MARF1: variants seen among roughly 807,000 people sequenced by gnomAD.
MARF1 encodes limkain-b1.
Under a neutral mutation model 168.2 loss-of-function variants are expected in MARF1, and 24 were observed. The ratio of observed to expected loss-of-function variants is 0.14; its 90% CI spans 0.10 to 0.20. The LOEUF (loss-of-function observed/expected upper bound fraction) is 0.20. MARF1 is among the 10% of genes least tolerant of loss of function. The pLI, the probability that MARF1 is intolerant of heterozygous loss-of-function variation, is 1.00. For missense variants in MARF1, 1,744 were observed against 2,143.6 expected (o/e 0.81, Z 3.68); for synonymous variants, 868 against 822.4 (o/e 1.06, Z -0.95).
chr16:15,622,027 G>T, intron 11 of MARF1, 116 bp from the exon 12 acceptor site: 1 of 898,058 alleles, frequency 1.1e-6, no homozygotes, highest in Non-Finnish European at 1.7e-6. Flanking sequence ...CCATGAAGGA[G>T]TATGTCTGAA....
At chr16:15,622,390 CT>C (rs995577394) in intron 11 of MARF1, among the ~76,000 whole-genome samples, 1,916 of 144,886 alleles carry the variant, frequency 0.013, 38 homozygotes, top group African/African-American at 0.044. Flanking sequence ...ATCAAATTGC[CT>C]TTTTTTTTTT....
rs2031500272 is a variant in MARF1 at position 15,594,566 on chromosome 16, T to C, written c.*2127A>G. On this transcript the variant is annotated 3_prime_UTR_variant, in exon 27 of 27. Coordinates refer to ENST00000396368, the MANE Select transcript of MARF1 (RefSeq NM_014647.4). ...AAGGGGGTTTTGGTGATAACTTTTGTCATTTTTTTAAACAGATAAATTTAA... is the reference window on the plus strand; with the variant it reads ...AAGGGGGTTTTGGTGATAACTTTTGCCATTTTTTTAAACAGATAAATTTAA... The C allele has an allele frequency of 6.6e-6, 1 of 152,634 alleles. No homozygotes were observed. The highest frequency in any genetic ancestry group is 1.5e-5 in the Non-Finnish European group (1 of 68,042). 9.5% of individuals were successfully genotyped at this position (152,634 alleles called of 1,614,324 possible).
Position 15,636,060 on chromosome 16 carries a change from T to C in MARF1, c.427A>G (p.Thr143Ala), listed in dbSNP as rs2035573442. ...CCTGACCCTACCTGACACGTGATTG[T>C]CCTGGTGCTTTGCGAGTCTAACAGT... ...GALLDSQSTR[T>A]ITCQVGSGFA... The change falls in exon 3 of 27, where the codon ACA (threonine) becomes GCA (alanine). Residue 143 changes from threonine to alanine, a missense_variant. Physicochemically the swap from Thr to Ala is moderately conservative, Grantham distance 58. Coordinates refer to ENST00000396368, the MANE Select transcript of MARF1 (RefSeq NM_014647.4). 1 of 1,614,250 alleles carries C rather than the reference T, an allele frequency of 6.2e-7. No individual in the cohort carries two copies. The highest frequency in any genetic ancestry group is 8.5e-7 in the Non-Finnish European group (1 of 1,180,050).
At chr16:15,606,415 C>T (rs767441866) in intron 21 of MARF1, among the ~76,000 whole-genome samples, 13 of 152,136 alleles carry the variant, frequency 8.5e-5, no homozygotes, top group Admixed American at 1.3e-4. Flanking sequence ...CCAGAGTCTA[C>T]GGTGCCAACT....
At chr16:15,599,154 T>TAAAAAAAAAAAAAAAAAA in intron 25 of MARF1, 130 bp from the exon 26 acceptor site, 1 of 297,700 alleles carries the variant, frequency 3.4e-6, no homozygotes, top group Non-Finnish European at 5.8e-6. Flanking sequence ...TTTAAGGTAT[T>TAAAAAAAAAAAAAAAAAA]AAAAAAAAAA....
chr16:15,600,649 T>A lies in MARF1; in HGVS notation c.4679A>T (p.Asp1560Val). The change falls in exon 24 of 27, where the codon GAC (aspartate) becomes GTC (valine). Residue 1560 changes from aspartate to valine, a missense_variant. Physicochemically the swap from Asp to Val is radical, Grantham distance 152 (BLOSUM62 -3). Around this residue, in one of 7 missense-constraint regions of MARF1, gnomAD observed 313 missense variants for 337.4 expected, o/e 0.93. Coordinates refer to ENST00000396368, the MANE Select transcript of MARF1 (RefSeq NM_014647.4). ...GATGGGTGCTTACTTACTTTTCATG[T>A]CATTTTTTAACACTACAATTCTCTT... ...GHKRIVVLKNDMKSRLSSLSL... is the reference protein window; with the variant it reads ...GHKRIVVLKNVMKSRLSSLSL... 6.2e-7 allele frequency: 1 copy of A among 1,613,940 alleles called. No individual in the cohort carries two copies. The highest frequency in any genetic ancestry group is 8.5e-7 in the Non-Finnish European group (1 of 1,180,034).
chr16:15,624,505 C>A lies in MARF1; in HGVS notation c.2270+264G>T, dbSNP rs989670333. 7.2e-5 allele frequency among the ~76,000 whole-genome samples: 11 copies of A among 152,200 alleles called. 1 individual carries two copies. Among genetic ancestry groups the A allele is most frequent in the Non-Finnish European group, 1.0e-4 (7 of 68,018 alleles). ...CATAGGGACATCTTTACATGCCCCC[C>A]TGCACTGGCCAGGGACTCTCCAACA... On this transcript the variant is annotated intron_variant, in intron 10 of 26. Transcript: ENST00000396368.
chr16:15,598,933 G>T lies in MARF1; in HGVS notation c.4905C>A (p.Ser1635=). 6.2e-7 allele frequency: 1 copy of T among 1,613,816 alleles called. No homozygotes were observed. Among genetic ancestry groups the T allele is most frequent in the Non-Finnish European group, 8.5e-7 (1 of 1,179,960 alleles). The change falls in exon 26 of 27, where the codon TCC becomes TCA. Residue 1635 remains serine (S), a synonymous_variant. Transcript: ENST00000396368. ...LCAPVPSCLP[S]PQLRPDPVIL... is the part of the protein sequence containing the mutation. ...TAACGGGGTCTGGTCTCAGCTGAGGGGACGGCAGGCACGAGGGGACAGGCG... is the reference window on the plus strand; with the variant it reads ...TAACGGGGTCTGGTCTCAGCTGAGGTGACGGCAGGCACGAGGGGACAGGCG...
chr16:15,620,618 C>A, intron 12 of MARF1, 87 bp from the exon 13 acceptor site: 2 of 795,622 alleles, frequency 2.5e-6, no homozygotes, highest in South Asian at 2.0e-5. Context: ...TAACCCAGTG[C>A]ATATGCAAAA....
chr16:15,623,421 A>G (rs1293188001), intron 10 of MARF1, among the ~76,000 whole-genome samples: 1 of 151,732 alleles, frequency 6.6e-6, no homozygotes. Context: ...CTGGGACTAC[A>G]GGCATGCACC....
intron 7 of MARF1, among the ~76,000 whole-genome samples, chr16:15,628,970 T>C (rs2035062099): frequency 6.6e-6 from 1 of 152,100 alleles, no homozygotes; most frequent in Non-Finnish European, 1.5e-5. Flanking sequence ...ATTGTTTTGG[T>C]TTTTTTAACC....
At chr16:15,603,127 A>G (rs528299613) in intron 22 of MARF1, among the ~76,000 whole-genome samples, 1 of 152,370 alleles carries the variant, frequency 6.6e-6, no homozygotes, top group African/African-American at 2.4e-5. Flanking sequence ...CAGAGTTTAG[A>G]AAATGCTGGA....
At position 15,620,463 on chromosome 16, in the gene MARF1, A is replaced by G. The variant is rs369492166; in HGVS notation, c.2708T>C (p.Ile903Thr). 3.7e-6 allele frequency: 6 copies of G among 1,609,242 alleles called. No homozygotes were observed. Among genetic ancestry groups the G allele is most frequent in the Non-Finnish European group, 5.1e-6 (6 of 1,176,336 alleles). ...ATACCTAACTTACTTTTTTTCATAG[A>G]TATCTGTAAATTTAAACAGAGGCAG... ...CCLPLFKFTD[I>T]YEKKFGHKLN... The change falls in exon 13 of 27, where the codon ATC (isoleucine) becomes ACC (threonine). Residue 903 changes from isoleucine to threonine, a missense_variant. Transcript: ENST00000396368.
At position 15,615,991 on chromosome 16, in the gene MARF1, T is replaced by C; in HGVS notation, c.3092A>G (p.Tyr1031Cys). The change falls in exon 16 of 27, where the codon TAC (tyrosine) becomes TGC (cysteine). Residue 1031 changes from tyrosine (Y) to cysteine (C), a missense_variant. Tyr to Cys is a radical substitution (Grantham distance 194). This residue lies in a region of MARF1 where 543 missense variants were observed against 742.1 expected (regional missense o/e 0.73). Coordinates refer to ENST00000396368, the MANE Select transcript of MARF1 (RefSeq NM_014647.4). ...TTCTAGATCGCCAAACTCTGCAATGTAACAATCTGGAAAGCTGAAATAGGA... is the reference window on the plus strand; with the variant it reads ...TTCTAGATCGCCAAACTCTGCAATGCAACAATCTGGAAAGCTGAAATAGGA... ...TVPLLSFPDC[Y>C]IAEFGDLEVV... 1 of 1,511,664 alleles carries C rather than the reference T, an allele frequency of 6.6e-7. No individual in the cohort carries two copies. The allele number at this position is 1,511,664 out of a possible 1,614,324, so 93.6% of individuals were successfully genotyped here.
At position 15,624,706 on chromosome 16, in the gene MARF1, T is replaced by C. The variant is rs543878717; in HGVS notation, c.2270+63A>G. Reference sequence around the variant, plus strand: ...CTATCTGAATTCTTTTCAACAAACATACTATTTCATAATCCTTCCTATTAC... The same window carrying C: ...CTATCTGAATTCTTTTCAACAAACACACTATTTCATAATCCTTCCTATTAC... On this transcript the variant is annotated intron_variant, in intron 10 of 26. Coordinates refer to ENST00000396368, the MANE Select transcript of MARF1 (RefSeq NM_014647.4). 9 of 1,468,684 alleles carry C rather than the reference T, an allele frequency of 6.1e-6. No individual in the cohort carries two copies. In the East Asian group the frequency reaches 1.1e-4, roughly 18 times the overall value. 91.0% of individuals were successfully genotyped at this position (1,468,684 alleles called of 1,614,324 possible).
chr16:15,642,235 T>C (rs1263444020), intron 1 of MARF1, among the ~76,000 whole-genome samples: 1 of 152,206 alleles, frequency 6.6e-6, no homozygotes, highest in Non-Finnish European at 1.5e-5. Context: ...ATAGCTCTTC[T>C]GTCCAAAACG....
At chr16:15,630,153 A>G (rs1365467539) in intron 7 of MARF1, 179 bp downstream of exon 7, 1 of 444,740 alleles carries the variant, frequency 2.2e-6, no homozygotes, top group Non-Finnish European at 3.9e-6. Flanking sequence ...CTTCATACAT[A>G]CCAATTATCT....
chr16:15,631,569 A>G, intron 5 of MARF1, 71 bp from the exon 6 acceptor site: 1 of 1,014,556 alleles, frequency 9.9e-7, no homozygotes, highest in South Asian at 1.5e-5. Flanking sequence ...TTCTGCCCAT[A>G]TTTTTTATTT....
chr16:15,632,484 C>G (rs1022165478), intron 5 of MARF1, among the ~76,000 whole-genome samples: 2 of 152,180 alleles, frequency 1.3e-5, no homozygotes, highest in Non-Finnish European at 2.9e-5. Context: ...CAACCAGAAA[C>G]AGAAACTGAG....
Sources: allele counts gnomAD v4.1 joint callset (sites outside exome capture counted in the v4.1 genomes callset), GRCh38; gene constraint gnomAD v4.1.1; regional missense constraint gnomAD v4.1.1; transcripts MANE v1.5; gene names NCBI Gene and HGNC (gene_info 2026-07-23, HGNC 2026-07-21).